Variants in TBC1D1 observed in about 807,000 individuals in gnomAD.
TBC1D1 encodes TBC1 domain family member 1.
A neutral mutation model predicts 125.6 loss-of-function variants in TBC1D1; 89 were observed. The ratio of observed to expected loss-of-function variants is 0.71; its 90% CI spans 0.60 to 0.85. The LOEUF (loss-of-function observed/expected upper bound fraction) is 0.85, where lower values mean the gene tolerates loss of function less well. Among genes scored for constraint, TBC1D1 ranks in the 40% least tolerant of loss-of-function variants. The pLI is 0.00. For synonymous variants in TBC1D1, 565 were observed against 564.1 expected (o/e 1.00, Z -0.02); for missense variants, 1,377 against 1,469.2 (o/e 0.94, Z 1.03).
At chr4:38,004,124 A>G (rs1174008882) in intron 2 of TBC1D1, among the ~76,000 whole-genome samples, 1 of 152,218 alleles carries the variant, frequency 6.6e-6, no homozygotes, top group Admixed American at 6.5e-5. Context: ...AGAGTTCCCC[A>G]TAGGTTCTGT....
chr4:37,986,888 A>G (rs1735584842), intron 2 of TBC1D1, among the ~76,000 whole-genome samples: 1 of 152,286 alleles, frequency 6.6e-6, no homozygotes, highest in East Asian at 1.9e-4. Context: ...GCCTGGTAGG[A>G]CCAACCAGTT....
chr4:38,069,956 A>C (rs1035238579), intron 12 of TBC1D1, among the ~76,000 whole-genome samples: 4 of 152,146 alleles, frequency 2.6e-5, no homozygotes, highest in African/African-American at 9.7e-5. Context: ...GCTGTGGCTC[A>C]GGGAAGCCAA....
intron 2 of TBC1D1, among the ~76,000 whole-genome samples, chr4:38,009,356 T>C (rs1399364884): frequency 1.3e-5 from 2 of 152,192 alleles, no homozygotes; most frequent in African/African-American, 2.4e-5. Context: ...ACGGGAAAAA[T>C]GCTAGAATTT....
chr4:38,077,439 G>T (rs1202628317), intron 12 of TBC1D1, among the ~76,000 whole-genome samples: 1 of 152,112 alleles, frequency 6.6e-6, no homozygotes, highest in African/African-American at 2.4e-5. Context: ...TGATGCAAAT[G>T]CTATTTTGTG....
At chr4:37,914,573 T>G (rs1719310907) in intron 2 of TBC1D1, among the ~76,000 whole-genome samples, 1 of 152,214 alleles carries the variant, frequency 6.6e-6, no homozygotes, top group South Asian at 2.1e-4. Flanking sequence ...CTGTTCCTGC[T>G]TATTCTTTCC....
chr4:38,073,761 C>T (rs914330140), intron 12 of TBC1D1, among the ~76,000 whole-genome samples: 2 of 152,118 alleles, frequency 1.3e-5, no homozygotes. Flanking sequence ...TGAGGAAGCA[C>T]TCACTCCACA....
chr4:37,973,856 T>C (rs916703463), intron 2 of TBC1D1, among the ~76,000 whole-genome samples: 1 of 152,206 alleles, frequency 6.6e-6, no homozygotes, highest in Non-Finnish European at 1.5e-5. Flanking sequence ...CAAACTTTAA[T>C]GAGTATACCA....
At chr4:38,039,882 G>A (rs1169612545) in intron 8 of TBC1D1, among the ~76,000 whole-genome samples, 1 of 152,034 alleles carries the variant, frequency 6.6e-6, no homozygotes, top group Non-Finnish European at 1.5e-5. Flanking sequence ...GGGAGGCTGA[G>A]ATGGGAGGAT....
Position 38,125,237 on chromosome 4 carries a change from G to C in TBC1D1, c.3132+106G>C, listed in dbSNP as rs373604753. On this transcript the variant is annotated intron_variant, in intron 18 of 19. Transcript: ENST00000261439. ...TTTCCTACCACTTTGTGTTCTGAAC[G>C]GCATTCTGCATGATGCCTGGCATGG... 5.4e-6 allele frequency: 6 copies of C among 1,110,420 alleles called. No homozygotes were observed. In the African/African-American group the frequency reaches 7.8e-5, roughly 14 times the overall value. The allele number at this position is 1,110,420 out of a possible 1,614,324, so 68.8% of individuals were successfully genotyped here.
chr4:38,086,906 C>T (rs181377358), intron 12 of TBC1D1, among the ~76,000 whole-genome samples: 4 of 152,212 alleles, frequency 2.6e-5, no homozygotes, highest in Middle Eastern at 3.4e-3. Flanking sequence ...TAGAGAAGCA[C>T]GGGGTAAACT....
chr4:38,074,023 G>A (rs1369019668), intron 12 of TBC1D1, among the ~76,000 whole-genome samples: 1 of 152,192 alleles, frequency 6.6e-6, no homozygotes, highest in African/African-American at 2.4e-5. Flanking sequence ...CTCTTGGATA[G>A]TGTGCTGCTG....
In TBC1D1 at chr4:38,131,385, G is replaced by A. The variant is rs1765560653; in HGVS notation, c.3133-1699G>A. On this transcript the variant is annotated intron_variant, in intron 18 of 19. Coordinates refer to ENST00000261439, the MANE Select transcript of TBC1D1 (RefSeq NM_015173.4). ...AACAATCTCAGTTTTAACATTTGTG[G>A]TTTTTACTGTTCAGACTATTCAGAA... Among the ~76,000 whole-genome samples, 3 of 152,212 alleles carry A rather than the reference G, an allele frequency of 2.0e-5. No homozygotes were observed. In the South Asian group the frequency reaches 6.2e-4, roughly 32 times the overall value.
intron 7 of TBC1D1, among the ~76,000 whole-genome samples, chr4:38,028,786 G>A (rs141492898): frequency 0.01 from 1,561 of 152,254 alleles, 26 homozygotes; most frequent in African/African-American, 0.036. Context: ...GCCCCTTCCC[G>A]CTTAGGATTT....
intron 12 of TBC1D1, among the ~76,000 whole-genome samples, chr4:38,086,759 C>T (rs1384985534): frequency 6.6e-6 from 1 of 152,146 alleles, no homozygotes; most frequent in Admixed American, 6.5e-5. Flanking sequence ...GCGTGGAGCC[C>T]TGCTATTCAG....
chr4:38,049,742 C>T lies in TBC1D1; in HGVS notation c.1754C>T (p.Ser585Leu), dbSNP rs61752489. 577 of 1,614,126 alleles carry T rather than the reference C, an allele frequency of 3.6e-4. 2 individuals are homozygous for T. The African/African-American group carries it at 6.9e-3, about 19-fold the overall frequency. The change falls in exon 11 of 20, where the codon TCG becomes TTG. Residue 585 changes from serine (S) to leucine (L), a missense_variant. Ser to Leu is a moderately radical substitution (Grantham distance 145). Coordinates refer to ENST00000261439, the MANE Select transcript of TBC1D1 (RefSeq NM_015173.4). ...CTCCCAGAAGAGCCAGCTCCGCTGT[C>T]GCCCCAGCAGGCCTTCAGGAGGCGA...
intron 19 of TBC1D1, among the ~76,000 whole-genome samples, chr4:38,136,215 A>T (rs1035919690): frequency 9.9e-5 from 15 of 152,218 alleles, no homozygotes; most frequent in African/African-American, 3.6e-4. Context: ...GACGAGGGAC[A>T]GTTGCTAGAA....
chr4:38,074,765 T>TC (rs1491386706), intron 12 of TBC1D1, among the ~76,000 whole-genome samples: 5 of 78,014 alleles, frequency 6.4e-5, no homozygotes, highest in South Asian at 3.9e-4. Context: ...TCTCTCTCTC[T>TC]TTTTTTTTTT....
rs1272582953 is a variant in TBC1D1 at position 38,045,818 on chromosome 4, G to A, written c.1544G>A (p.Gly515Asp). The change falls in exon 10 of 20, where the codon GGT becomes GAT. Residue 515 changes from glycine (G) to aspartate (D), a missense_variant and splice_region_variant. Physicochemically the swap from Gly to Asp is moderately conservative, Grantham distance 94. This residue lies in a region of TBC1D1 where 822 missense variants were observed against 824.6 expected (regional missense o/e 1.00). Transcript: ENST00000261439. ...CTCGACTGCCTTTTCTTTATGTAGG[G>A]TAATAAAGCCAGAGGCCTGCAGGAA... 2 of 1,613,606 alleles carry A rather than the reference G, an allele frequency of 1.2e-6. No homozygotes were observed. Among genetic ancestry groups the A allele is most frequent in the South Asian group, 2.2e-5 (2 of 91,064 alleles).
chr4:37,995,538 C>G lies in TBC1D1; in HGVS notation c.418-18971C>G, dbSNP rs182297499. The G allele has an allele frequency of 1.3e-4, 49 of 365,292 alleles. No homozygotes were observed. In the East Asian group the frequency reaches 2.9e-3, roughly 22 times the overall value. The allele number at this position is 365,292 out of a possible 1,614,324, so 22.6% of individuals were successfully genotyped here. ...TCTTCACCTTTTGGGTTGCGGTTTT[C>G]TCCAGGTTGGTGCTGATGATATGAT... On this transcript the variant is annotated intron_variant, in intron 2 of 19. Transcript: ENST00000261439. The surrounding 1 kb of genome is among the most constrained non-coding windows in gnomAD (Gnocchi z 4.3).
Sources: gnomAD v4.1 joint callset for allele counts (sites outside exome capture counted in the v4.1 genomes callset) on GRCh38, gnomAD v4.1.1 for gene constraint, gnomAD v4.1.1 regional missense constraint, Gnocchi (gnomAD v3.1) non-coding constraint, MANE v1.5 for transcripts, NCBI Gene and HGNC (gene_info 2026-07-23, HGNC 2026-07-21) for gene names.